SORBS2: variants seen among roughly 807,000 people sequenced by gnomAD.
The protein encoded by SORBS2 is sorbin and SH3 domain containing 2.
A neutral mutation model predicts 97.7 loss-of-function variants in SORBS2; 46 were observed. That is an observed-to-expected ratio of 0.47 (90% CI 0.37 to 0.60). The LOEUF (loss-of-function observed/expected upper bound fraction) is 0.60. Among genes scored for constraint, SORBS2 ranks in the 20% least tolerant of loss-of-function variants. The pLI, the probability that SORBS2 is intolerant of heterozygous loss-of-function variation, is 0.00. For synonymous variants in SORBS2, 476 were observed against 473.4 expected (o/e 1.01, Z -0.07); for missense variants, 1,316 against 1,282.3 (o/e 1.03, Z -0.40).
intron 1 of SORBS2, among the ~76,000 whole-genome samples, chr4:185,810,581 T>C (rs2099175943): frequency 6.6e-6 from 1 of 152,224 alleles, no homozygotes; most frequent in African/African-American, 2.4e-5. Context: ...ACATTTTTGG[T>C]AACAAAACAA....
chr4:185,614,338 A>G (rs1420245979), intron 11 of SORBS2, among the ~76,000 whole-genome samples: 17 of 151,970 alleles, frequency 1.1e-4, no homozygotes, highest in Non-Finnish European at 1.5e-5. Context: ...TGAGGCCCAA[A>G]GAAGGATGAT....
intron 4 of SORBS2, 42 bp downstream of exon 7, chr4:185,678,381 A>G (rs772195690): frequency 6.7e-7 from 1 of 1,500,184 alleles, no homozygotes; most frequent in South Asian, 1.3e-5. Flanking sequence ...TCTAATAATC[A>G]TGCCTTAAAA....
intron 1 of SORBS2, among the ~76,000 whole-genome samples, chr4:185,901,371 T>A (rs925384683): frequency 6.6e-6 from 1 of 151,930 alleles, no homozygotes; most frequent in Non-Finnish European, 1.5e-5. Context: ...GTCGGCTAAT[T>A]TTTTGTATTT....
At chr4:185,803,983 G>T (rs2099142498) in intron 1 of SORBS2, among the ~76,000 whole-genome samples, 1 of 152,118 alleles carries the variant, frequency 6.6e-6, no homozygotes, top group Non-Finnish European at 1.5e-5. Flanking sequence ...TTGCTCAGAA[G>T]GTTAAATTCG....
intron 3 of SORBS2, among the ~76,000 whole-genome samples, chr4:185,648,153 G>A (rs2097247975): frequency 6.6e-6 from 1 of 151,836 alleles, no homozygotes; most frequent in East Asian, 1.9e-4. Flanking sequence ...GTGAAGATGG[G>A]ATTTCGCCAT....
intron 2 of SORBS2, among the ~76,000 whole-genome samples, chr4:185,723,231 A>G (rs1213249207): frequency 1.3e-5 from 2 of 152,236 alleles, no homozygotes; most frequent in Non-Finnish European, 2.9e-5. Flanking sequence ...CACCTGACAT[A>G]ACACAGATGG....
chr4:185,641,269 T>C (rs947441445), intron 4 of SORBS2, among the ~76,000 whole-genome samples: 127 of 152,116 alleles, frequency 8.3e-4, no homozygotes, highest in Non-Finnish European at 2.8e-4. Flanking sequence ...CTAGAATGCA[T>C]GCCAATAGAA....
intron 4 of SORBS2, among the ~76,000 whole-genome samples, chr4:185,668,561 G>A (rs1321320751): frequency 6.6e-6 from 1 of 152,180 alleles, no homozygotes; most frequent in Non-Finnish European, 1.5e-5. Context: ...ATCTTCACAT[G>A]AATGGAATAT....
chr4:185,667,172 G>C (rs574523991), intron 4 of SORBS2, among the ~76,000 whole-genome samples: 35 of 152,252 alleles, frequency 2.3e-4, no homozygotes, highest in Admixed American at 2.3e-3. Context: ...CTTTTTGGAG[G>C]GGATGTTTGG....
chr4:185,908,592 C>T (rs890147110), intron 1 of SORBS2, among the ~76,000 whole-genome samples: 1 of 151,718 alleles, frequency 6.6e-6, no homozygotes, highest in African/African-American at 2.4e-5. Flanking sequence ...TCAAAGGGAT[C>T]GCCGAGTAAT....
intron 2 of SORBS2, among the ~76,000 whole-genome samples, chr4:185,757,755 C>T (rs2098839754): frequency 6.6e-6 from 1 of 152,188 alleles, no homozygotes; most frequent in Non-Finnish European, 1.5e-5. Flanking sequence ...CAAGGGTATA[C>T]ATTAGTTCAG....
In SORBS2 at chr4:185,598,585, A is replaced by G. The variant is rs536672404; in HGVS notation, c.2797-4650T>C. 2.6e-5 allele frequency among the ~76,000 whole-genome samples: 4 copies of G among 152,338 alleles called. No homozygotes were observed. The South Asian group carries it at 8.3e-4, about 32-fold the overall frequency. ...ATTTAGTATCAAATAATTCTTAAAG[A>G]AGGATTGACTGTTACTTTAAACACT... On this transcript the variant is annotated intron_variant, in intron 12 of 14. Coordinates refer to ENST00000418609, the Ensembl canonical transcript of SORBS2.
chr4:185,619,108 C>A (rs924834894), intron 8 of SORBS2, among the ~76,000 whole-genome samples: 6 of 152,200 alleles, frequency 3.9e-5, no homozygotes, highest in African/African-American at 1.4e-4. Flanking sequence ...TCAATTATCA[C>A]TGGGAGGCTG....
At chr4:185,614,318 G>A (rs2096595222) in intron 11 of SORBS2, among the ~76,000 whole-genome samples, 1 of 151,514 alleles carries the variant, frequency 6.6e-6, no homozygotes, top group Admixed American at 6.6e-5. Flanking sequence ...AGAGAAATTT[G>A]GGTCAATTAT....
chr4:185,678,858 G>A lies in SORBS2; in HGVS notation c.-197-36C>T, dbSNP rs1043061938. The A allele has an allele frequency of 2.3e-5, 31 of 1,325,214 alleles. No individual in the cohort carries two copies. The African/African-American group carries it at 4.1e-4, about 17-fold the overall frequency. 82.1% of individuals were successfully genotyped at this position (1,325,214 alleles called of 1,614,324 possible). On this transcript the variant is annotated intron_variant, in intron 2 of 20. Coordinates refer to the SORBS2 transcript ENST00000284776. ...AAAAAATGTTGAAATTAAGACTAAGGTGAAATAAATGAACAACCCAGTAAA... is the reference window on the plus strand; with the variant it reads ...AAAAAATGTTGAAATTAAGACTAAGATGAAATAAATGAACAACCCAGTAAA...
chr4:185,937,621 A>C (rs908007821), intron 1 of SORBS2, among the ~76,000 whole-genome samples: 8 of 152,060 alleles, frequency 5.3e-5, no homozygotes, highest in African/African-American at 1.9e-4. Context: ...AGGGCTCTAC[A>C]TCCTTGGTTC....
chr4:185,923,061 C>G (rs995656140), intron 1 of SORBS2, among the ~76,000 whole-genome samples: 2 of 152,160 alleles, frequency 1.3e-5, no homozygotes, highest in African/African-American at 4.8e-5. Flanking sequence ...GGGAAGAATA[C>G]TGGCTAAGTG....
intron 1 of SORBS2, among the ~76,000 whole-genome samples, chr4:185,783,091 G>A (rs753101693): frequency 5.9e-5 from 9 of 152,178 alleles, no homozygotes; most frequent in Non-Finnish European, 2.9e-5. Context: ...ATTTAGCAGG[G>A]ATAGTACATA....
intron 1 of SORBS2, among the ~76,000 whole-genome samples, chr4:185,914,712 C>T (rs1047345656): frequency 4.6e-5 from 7 of 152,198 alleles, no homozygotes; most frequent in Non-Finnish European, 8.8e-5. Flanking sequence ...GACCAATTGA[C>T]GTTTACAAAT....
Sources: gnomAD v4.1 joint callset for allele counts (sites outside exome capture counted in the v4.1 genomes callset) on GRCh38, gnomAD v4.1.1 for gene constraint, MANE v1.5 for transcripts, NCBI Gene and HGNC (gene_info 2026-07-23, HGNC 2026-07-21) for gene names.